DAB1: variants seen among roughly 807,000 people sequenced by gnomAD.
The protein encoded by DAB1 is DAB adaptor protein 1.
A neutral mutation model predicts 64.6 loss-of-function variants in DAB1; 15 were observed. The ratio of observed to expected loss-of-function variants is 0.23; its 90% CI spans 0.16 to 0.36. The LOEUF (loss-of-function observed/expected upper bound fraction) is 0.36, where lower values mean the gene tolerates loss of function less well. Among genes scored for constraint, DAB1 ranks in the 10% least tolerant of loss-of-function variants. DAB1 has a pLI of 1.00. For missense variants in DAB1, 596 were observed against 706.7 expected (o/e 0.84, Z 1.78); for synonymous variants, 235 against 251.9 (o/e 0.93, Z 0.64).
intron 5 of DAB1, among the ~76,000 whole-genome samples, chr1:57,969,619 T>C (rs934960700): frequency 2.6e-5 from 4 of 152,172 alleles, no homozygotes; most frequent in African/African-American, 4.8e-5. Flanking sequence ...ACAAAACTTA[T>C]TGATGTTAAA....
At chr1:58,164,382 ATG>A (rs1187290593) in intron 4 of DAB1, among the ~76,000 whole-genome samples, 1 of 152,142 alleles carries the variant, frequency 6.6e-6, no homozygotes, top group Admixed American at 6.5e-5. Flanking sequence ...AGTGGTGAGT[ATG>A]TGTCAGCAAA....
intron 5 of DAB1, among the ~76,000 whole-genome samples, chr1:58,053,122 C>T (rs543350567): frequency 1.2e-4 from 19 of 152,290 alleles, no homozygotes; most frequent in East Asian, 1.9e-4. Context: ...GGGATCCACC[C>T]CCATGGCCCA....
chr1:57,373,118 G>A (rs990239480), intron 1 of DAB1, among the ~76,000 whole-genome samples: 7 of 152,196 alleles, frequency 4.6e-5, no homozygotes, highest in African/African-American at 1.4e-4. Context: ...CTGGGAGTTC[G>A]AGGCTGCAGC....
intron 7 of DAB1, among the ~76,000 whole-genome samples, chr1:57,622,903 A>C (rs1187778072): frequency 6.6e-6 from 1 of 152,172 alleles, no homozygotes; most frequent in Non-Finnish European, 1.5e-5. Flanking sequence ...AGGATCCTAC[A>C]AGGTCCTCCT....
intron 6 of DAB1, among the ~76,000 whole-genome samples, chr1:57,797,118 T>C (rs1650910502): frequency 6.6e-6 from 1 of 152,228 alleles, no homozygotes; most frequent in Admixed American, 6.5e-5. Flanking sequence ...TTCTCCAATG[T>C]AGCTCCTGGC....
At chr1:58,128,285 C>T (rs1396275122) in intron 5 of DAB1, among the ~76,000 whole-genome samples, 2 of 150,674 alleles carry the variant, frequency 1.3e-5, no homozygotes, top group East Asian at 3.9e-4. Flanking sequence ...TATAAGAATG[C>T]CTGTGATTTT....
At chr1:58,049,147 G>A in intron 5 of DAB1, 1 of 798,116 alleles carries the variant, frequency 1.3e-6, no homozygotes. Flanking sequence ...TTGGTGTTTG[G>A]ATCTCTCAGG....
At chr1:58,214,558 C>T (rs988225409) in intron 4 of DAB1, among the ~76,000 whole-genome samples, 6 of 152,116 alleles carry the variant, frequency 3.9e-5, no homozygotes, top group Non-Finnish European at 5.9e-5. Flanking sequence ...GAAATGAGTT[C>T]TGAAAAGTGG....
At chr1:57,059,693 C>T (rs752324159) in intron 9 of DAB1, among the ~76,000 whole-genome samples, 2 of 151,684 alleles carry the variant, frequency 1.3e-5, no homozygotes, top group African/African-American at 2.4e-5. Context: ...GTGGGATCAA[C>T]TTTCCAATAC....
chr1:57,578,348 A>C (rs1645274495), intron 7 of DAB1, among the ~76,000 whole-genome samples: 1 of 152,224 alleles, frequency 6.6e-6, no homozygotes, highest in Admixed American at 6.5e-5. Flanking sequence ...TGGCACTGCT[A>C]AATCCAGACA....
At chr1:57,575,269 C>A (rs1197698096) in intron 7 of DAB1, among the ~76,000 whole-genome samples, 2 of 152,178 alleles carry the variant, frequency 1.3e-5, no homozygotes, top group Non-Finnish European at 2.9e-5. Context: ...GATGAAGAAG[C>A]AACATAAATG....
chr1:58,480,777 T>C (rs959334204), intron 3 of DAB1: 15 of 454,896 alleles, frequency 3.3e-5, no homozygotes, highest in African/African-American at 3.0e-4. Context: ...TATTTTAACA[T>C]AGATTAAAAT....
chr1:58,065,538 C>T (rs1648803501), intron 5 of DAB1, among the ~76,000 whole-genome samples: 1 of 152,082 alleles, frequency 6.6e-6, no homozygotes, highest in African/African-American at 2.4e-5. Flanking sequence ...TCATGACAGA[C>T]TCTGATTTGT....
intron 2 of DAB1, among the ~76,000 whole-genome samples, chr1:57,215,189 T>C (rs1257097525): frequency 6.6e-6 from 1 of 152,162 alleles, no homozygotes; most frequent in African/African-American, 2.4e-5. Flanking sequence ...ATCTCACAGC[T>C]TCCCTCACTG....
At chr1:58,533,453 T>G (rs1358460402) in intron 1 of DAB1, among the ~76,000 whole-genome samples, 2 of 145,212 alleles carry the variant, frequency 1.4e-5, no homozygotes, top group African/African-American at 4.9e-5. Flanking sequence ...ACTAAAAAGC[T>G]CAGTAAACTG....
rs191352703 is a variant in DAB1 at position 57,246,444 on chromosome 1, G to A, written c.67+44520C>T. On this transcript the variant is annotated intron_variant, in intron 2 of 14. Transcript: ENST00000371236. Reference sequence around the variant, plus strand: ...GCAGGTGCACAGAAGGCAACAGTTTGAGAGCCTCCACATAGATTTCAGAGG... The same window carrying A: ...GCAGGTGCACAGAAGGCAACAGTTTAAGAGCCTCCACATAGATTTCAGAGG... 9.2e-5 allele frequency among the ~76,000 whole-genome samples: 14 copies of A among 152,364 alleles called. No individual in the cohort carries two copies. The East Asian group carries it at 2.5e-3, about 27-fold the overall frequency.
At chr1:57,449,298 T>C (rs1330900735) in intron 7 of DAB1, among the ~76,000 whole-genome samples, 1 of 151,908 alleles carries the variant, frequency 6.6e-6, no homozygotes, top group Non-Finnish European at 1.5e-5. Flanking sequence ...AAAGAAACTC[T>C]GGGTGTGTTG....
At chr1:57,974,843 T>C (rs1439601878) in intron 5 of DAB1, among the ~76,000 whole-genome samples, 1 of 152,190 alleles carries the variant, frequency 6.6e-6, no homozygotes, top group Non-Finnish European at 1.5e-5. Context: ...TATAGATATA[T>C]AGTAATCCAT....
At chr1:57,997,457 A>C (rs1297749401) in intron 5 of DAB1, among the ~76,000 whole-genome samples, 1 of 152,128 alleles carries the variant, frequency 6.6e-6, no homozygotes, top group Non-Finnish European at 1.5e-5. Flanking sequence ...AAACTTTTTA[A>C]TAAACTTTCA....
Sources: gnomAD v4.1 joint callset for allele counts (sites outside exome capture counted in the v4.1 genomes callset) on GRCh38, gnomAD v4.1.1 for gene constraint, MANE v1.5 for transcripts, NCBI Gene and HGNC (gene_info 2026-07-23, HGNC 2026-07-21) for gene names.